USP14: variants seen among roughly 807,000 people sequenced by gnomAD.
USP14 encodes ubiquitin specific peptidase 14.
Under a neutral mutation model 76.5 loss-of-function variants are expected in USP14, and 38 were observed. The ratio of observed to expected loss-of-function variants is 0.50; its 90% CI spans 0.38 to 0.65. USP14 has a LOEUF of 0.65. Among genes scored for constraint, USP14 ranks in the 30% least tolerant of loss-of-function variants. USP14 has a pLI of 0.00. For missense variants in USP14, 467 were observed against 586.5 expected (o/e 0.80, Z 2.10); for synonymous variants, 192 against 191.7 (o/e 1.00, Z -0.01).
chr18:183,896 A>G (rs1909855474), intron 5 of USP14, among the ~76,000 whole-genome samples: 1 of 152,134 alleles, frequency 6.6e-6, no homozygotes, highest in Non-Finnish European at 1.5e-5. Context: ...TTATCTGAAT[A>G]GGTAGTTTGC....
At chr18:177,452 GT>G (rs1486342904) in intron 3 of USP14, among the ~76,000 whole-genome samples, 1 of 150,618 alleles carries the variant, frequency 6.6e-6, no homozygotes, top group East Asian at 1.9e-4. Context: ...AAATTCTGTA[GT>G]GATGGCTTAG....
intron 5 of USP14, among the ~76,000 whole-genome samples, chr18:183,741 T>G (rs1909849943): frequency 6.6e-6 from 1 of 151,976 alleles, no homozygotes; most frequent in Non-Finnish European, 1.5e-5. Flanking sequence ...GTATTTTTAT[T>G]TAAAGGTTTT....
chr18:180,497 T>G (rs967783403), intron 5 of USP14, among the ~76,000 whole-genome samples, 158 bp downstream of exon 5: 23 of 152,232 alleles, frequency 1.5e-4, no homozygotes, highest in Non-Finnish European at 3.2e-4. Flanking sequence ...TTTACAAGTT[T>G]GTGCAACCAT....
At position 163,234 on chromosome 18, in the gene USP14, T is replaced by C. The variant is rs1485931094; in HGVS notation, c.17-74T>C. 3.6e-6 allele frequency: 5 copies of C among 1,380,322 alleles called. No homozygotes were observed. In the East Asian group the frequency reaches 1.3e-4, roughly 35 times the overall value. The allele number at this position is 1,380,322 out of a possible 1,614,324, so 85.5% of individuals were successfully genotyped here. On this transcript the variant is annotated intron_variant, in intron 1 of 15. Transcript: ENST00000261601. The stretch of plus-strand genomic sequence containing the variant: ...GTTTTGACTCCCGATAACTGCCTAA[T>C]TGGTGATCTTCTAAGGGTCTGTAAA...
At chr18:202,259 A>C (rs757838180) in intron 10 of USP14, among the ~76,000 whole-genome samples, 6 of 152,256 alleles carry the variant, frequency 3.9e-5, no homozygotes, top group Non-Finnish European at 8.8e-5. Context: ...TAACACTATA[A>C]CATTGATTAC....
At chr18:201,381 T>C (rs987932401) in intron 10 of USP14, among the ~76,000 whole-genome samples, 2 of 151,440 alleles carry the variant, frequency 1.3e-5, no homozygotes, top group African/African-American at 4.9e-5. Flanking sequence ...TGATAAACAC[T>C]GAAGTGGGAC....
intron 3 of USP14, among the ~76,000 whole-genome samples, chr18:170,336 C>G (rs1329481293): frequency 6.6e-6 from 1 of 151,794 alleles, no homozygotes; most frequent in Non-Finnish European, 1.5e-5. Flanking sequence ...AAATAAATAA[C>G]CCTACAGTGA....
At chr18:175,305 C>A (rs915227041) in intron 3 of USP14, among the ~76,000 whole-genome samples, 4 of 152,016 alleles carry the variant, frequency 2.6e-5, no homozygotes, top group African/African-American at 9.7e-5. Context: ...TTAAACAATG[C>A]TGAGTAGAAG....
At position 179,017 on chromosome 18, in the gene USP14, G is replaced by C. The variant is rs745982608; in HGVS notation, c.280G>C (p.Glu94Gln). Residue 94 changes from glutamate to glutamine, a missense_variant, in exon 4 of 16, where the codon GAA (glutamate) becomes CAA (glutamine). Transcript: ENST00000261601. ...AKTVFVEDMT[E>Q]EQLASAMELP... ...AACTGTCTTCGTAGAAGACATGACA[G>C]AAGAACAGTTAGCATCTGCTGTAAG... The C allele has an allele frequency of 6.2e-7, 1 of 1,611,408 alleles. No homozygotes were observed. Among genetic ancestry groups the C allele is most frequent in the South Asian group, 1.1e-5 (1 of 90,552 alleles).
rs547452642 is a variant in USP14, at chr18:178,030, T to C, written c.196-903T>C. Reference sequence around the variant, plus strand: ...TGTTTGTTTGTTTGTTTGTTTGTTATATTTTTTGAGACGGGGTCTCCCTCT... The same window carrying C: ...TGTTTGTTTGTTTGTTTGTTTGTTACATTTTTTGAGACGGGGTCTCCCTCT... On this transcript the variant is annotated intron_variant, in intron 3 of 15. Coordinates refer to ENST00000261601, the MANE Select transcript of USP14 (RefSeq NM_005151.4). Among the ~76,000 whole-genome samples the C allele has an allele frequency of 8.3e-4, 121 of 145,736 alleles. 2 individuals are homozygous for C. Among genetic ancestry groups the C allele is most frequent in the African/African-American group, 2.8e-3 (112 of 39,982 alleles).
intron 5 of USP14, among the ~76,000 whole-genome samples, chr18:187,874 G>T (rs887806112): frequency 4.6e-5 from 7 of 152,038 alleles, no homozygotes; most frequent in African/African-American, 1.7e-4. Flanking sequence ...TTTTAGTTAT[G>T]ATGATATTTA....
intron 13 of USP14, among the ~76,000 whole-genome samples, chr18:209,099 T>C (rs562000000): frequency 5.7e-4 from 87 of 151,346 alleles, no homozygotes; most frequent in African/African-American, 2.1e-3. Context: ...TAGGGTTTAA[T>C]TCTGCTTTTT....
chr18:178,805 T>C (rs1909701192), intron 3 of USP14, 128 bp from the exon 4 acceptor site: 2 of 615,808 alleles, frequency 3.2e-6, no homozygotes, highest in Non-Finnish European at 5.6e-6. Context: ...ATCTACTTTC[T>C]GCAGATTTAC....
At chr18:162,912 C>G (rs1909162478) in intron 1 of USP14, 1 of 154,286 alleles carries the variant, frequency 6.5e-6, no homozygotes, top group African/African-American at 2.4e-5. Context: ...ATTCTCCTGT[C>G]TCAGCCTCCT....
intron 3 of USP14, among the ~76,000 whole-genome samples, chr18:171,025 A>AAAATATATATATATATATATATAT: frequency 2.1e-5 from 1 of 47,650 alleles, no homozygotes; most frequent in East Asian, 9.2e-4. Context: ...AAAAAAAAAA[A>AAAATATATATATATATATATATAT]ATATATATAT....
chr18:173,603 T>G, intron 3 of USP14, among the ~76,000 whole-genome samples: 1 of 151,958 alleles, frequency 6.6e-6, no homozygotes, highest in Non-Finnish European at 1.5e-5. Context: ...TTTAGTATGT[T>G]GTTGGTCAGA....
chr18:165,091 G>C (rs1909231122), intron 2 of USP14, among the ~76,000 whole-genome samples: 1 of 152,006 alleles, frequency 6.6e-6, no homozygotes, highest in Admixed American at 6.6e-5. Context: ...TGGGATAACA[G>C]GTCACCACCA....
intron 2 of USP14, 70 bp from the exon 3 acceptor site, chr18:166,717 A>C (rs1909281508): frequency 6.1e-6 from 8 of 1,316,718 alleles, no homozygotes; most frequent in Middle Eastern, 1.8e-4. Flanking sequence ...ACATTAAAAT[A>C]AATTGATTAT....
chr18:198,239 G>A (rs1910293418), intron 9 of USP14, 107 bp downstream of exon 9: 2 of 1,041,266 alleles, frequency 1.9e-6, no homozygotes, highest in Non-Finnish European at 2.7e-6. Flanking sequence ...AAATTCTTCA[G>A]AGGTTTTTTT....
Sources: gnomAD v4.1 joint callset for allele counts (sites outside exome capture counted in the v4.1 genomes callset) on GRCh38, gnomAD v4.1.1 for gene constraint, MANE v1.5 for transcripts, NCBI Gene and HGNC (gene_info 2026-07-23, HGNC 2026-07-21) for gene names.